GCC2: variants seen among roughly 807,000 people sequenced by gnomAD.
GCC2 encodes GRIP and coiled-coil domain containing 2.
GCC2 carries 120 observed loss-of-function variants against 210.6 expected under a neutral mutation model. That is an observed-to-expected ratio of 0.57 (90% CI 0.49 to 0.66). The LOEUF (loss-of-function observed/expected upper bound fraction) is 0.66, where lower values mean the gene tolerates loss of function less well. Ranked by LOEUF, GCC2 falls within the 30% of genes least tolerant of loss-of-function variation. The pLI, the probability that GCC2 is intolerant of heterozygous loss-of-function variation, is 0.00. For missense variants in GCC2, 1,868 were observed against 1,871.9 expected (o/e 1.00, Z 0.04); for synonymous variants, 703 against 652.7 (o/e 1.08, Z -1.17).
In GCC2 at chr2:108,475,738, T is replaced by C; in HGVS notation, c.2962-14T>C. On this transcript the variant is annotated splice_polypyrimidine_tract_variant and intron_variant, in intron 8 of 22. Transcript: ENST00000309863. Reference sequence around the variant, plus strand: ...AAACAAAAACCTCTTTAATTTTACTTGTGTTTAAAACAGACCCAGACTGTG... The same window carrying C: ...AAACAAAAACCTCTTTAATTTTACTCGTGTTTAAAACAGACCCAGACTGTG... 1 of 1,560,594 alleles carries C rather than the reference T, an allele frequency of 6.4e-7. No individual in the cohort carries two copies. The highest frequency in any genetic ancestry group is 8.7e-7 in the Non-Finnish European group (1 of 1,145,892).
intron 7 of GCC2, among the ~76,000 whole-genome samples, chr2:108,474,145 G>A (rs1681385899): frequency 6.6e-6 from 1 of 152,074 alleles, no homozygotes. Flanking sequence ...GCGACAGAGG[G>A]AGACTCCGTC....
Position 108,471,743 on chromosome 2 carries a change from A to T in GCC2, c.2414A>T (p.Asp805Val). 1.9e-6 allele frequency: 3 copies of T among 1,613,184 alleles called. No homozygotes were observed. Among genetic ancestry groups the T allele is most frequent in the Non-Finnish European group, 2.5e-6 (3 of 1,179,570 alleles). Residue 805 changes from aspartate (D) to valine (V), a missense_variant, in exon 6 of 23, where the codon GAT becomes GTT. This residue lies in a region of GCC2 where 1,847 missense variants were observed against 1,765.2 expected (regional missense o/e 1.05). Coordinates refer to ENST00000309863, the MANE Select transcript of GCC2 (RefSeq NM_181453.4). ...AAATGCAACCTGGCTTTTCAGCGTG[A>T]TGAAAAAGTATTAGAGTTAGAAAAA... ...EEKCNLAFQR[D>V]EKVLELEKEI... is the part of the protein sequence containing the mutation.
chr2:108,492,891 G>A (rs1187625408), intron 19 of GCC2, 101 bp downstream of exon 19: 2 of 820,408 alleles, frequency 2.4e-6, no homozygotes, highest in African/African-American at 1.7e-5. Context: ...TTTACTAGGT[G>A]TCACCAGTGT....
intron 20 of GCC2, 78 bp downstream of exon 20, chr2:108,495,563 A>C (rs1321248761): frequency 9.9e-7 from 1 of 1,013,564 alleles, no homozygotes; most frequent in East Asian, 2.5e-5. Flanking sequence ...TAAGTTACAT[A>C]TGCTTTTTTG....
chr2:108,507,415 C>G (rs1159363260), intron 22 of GCC2, 145 bp from the exon 23 acceptor site: 16 of 365,898 alleles, frequency 4.4e-5, no homozygotes, highest in Non-Finnish European at 7.5e-5. Flanking sequence ...ACCCCCCCCC[C>G]CAAAAAAAAG....
intron 7 of GCC2, chr2:108,474,735 T>C (rs1035136513): frequency 6.6e-6 from 1 of 152,236 alleles, no homozygotes; most frequent in African/African-American, 2.4e-5. Flanking sequence ...CACTATTTGT[T>C]CCTGGCCTTA....
At chr2:108,461,714 G>A (rs1680582428) in intron 4 of GCC2, among the ~76,000 whole-genome samples, 1 of 151,804 alleles carries the variant, frequency 6.6e-6, no homozygotes, top group Non-Finnish European at 1.5e-5. Flanking sequence ...ATGTTGGCCA[G>A]GCTGGTCTTG....
At chr2:108,454,455 G>A (rs1680137998) in intron 4 of GCC2, among the ~76,000 whole-genome samples, 2 of 152,220 alleles carry the variant, frequency 1.3e-5, no homozygotes, top group African/African-American at 4.8e-5. Context: ...CTAGAATGAT[G>A]TGCACAAATG....
chr2:108,500,747 C>A (rs186640397), intron 22 of GCC2, among the ~76,000 whole-genome samples: 76 of 152,290 alleles, frequency 5.0e-4, no homozygotes, highest in Non-Finnish European at 7.8e-4. Context: ...ATCTCTCTTG[C>A]GTTGTCACCC....
chr2:108,492,644 C>T lies in GCC2; in HGVS notation c.4301C>T (p.Ser1434Phe). The T allele has an allele frequency of 6.2e-7, 1 of 1,613,662 alleles. No homozygotes were observed. Among genetic ancestry groups the T allele is most frequent in the South Asian group, 1.1e-5 (1 of 91,078 alleles). ...EHTQTVSQLT[S>F]QNEVLRNSFR... ...ACACAGACTGTGAGTCAGCTAACATCCCAGAACGAGGTCCTTCGAAATAGC... is the reference window on the plus strand; with the variant it reads ...ACACAGACTGTGAGTCAGCTAACATTCCAGAACGAGGTCCTTCGAAATAGC... Residue 1434 changes from serine (S) to phenylalanine (F), a missense_variant, in exon 19 of 23, where the codon TCC becomes TTC. This residue lies in a region of GCC2 where 1,847 missense variants were observed against 1,765.2 expected (regional missense o/e 1.05). Coordinates refer to ENST00000309863, the MANE Select transcript of GCC2 (RefSeq NM_181453.4).
chr2:108,477,479 G>C (rs1024521432), intron 9 of GCC2, among the ~76,000 whole-genome samples: 1 of 152,164 alleles, frequency 6.6e-6, no homozygotes, highest in African/African-American at 2.4e-5. Flanking sequence ...CACAGAACAA[G>C]TAACAGAGCA....
intron 4 of GCC2, among the ~76,000 whole-genome samples, chr2:108,461,174 A>G (rs559301645): frequency 2.0e-5 from 3 of 152,072 alleles, no homozygotes; most frequent in Admixed American, 6.6e-5. Context: ...TCCAATGAAT[A>G]TATTATTCTC....
At chr2:108,463,890 C>A (rs1221060400) in intron 4 of GCC2, among the ~76,000 whole-genome samples, 1 of 152,156 alleles carries the variant, frequency 6.6e-6, no homozygotes, top group Non-Finnish European at 1.5e-5. Context: ...CAATGAGTGC[C>A]AGCTGTGGTG....
At chr2:108,495,194 T>G in intron 19 of GCC2, 97 bp from the exon 20 acceptor site, 11 of 650,468 alleles carry the variant, frequency 1.7e-5, no homozygotes, top group Non-Finnish European at 2.9e-5. Flanking sequence ...CCTCTACTCT[T>G]ATCATTTGAT....
At chr2:108,480,117 T>C (rs1681772882) in intron 9 of GCC2, among the ~76,000 whole-genome samples, 2 of 152,116 alleles carry the variant, frequency 1.3e-5, no homozygotes, top group South Asian at 4.1e-4. Context: ...TAATGTCGTT[T>C]CTCTTTTATG....
intron 21 of GCC2, among the ~76,000 whole-genome samples, chr2:108,497,551 G>T (rs1265590028): frequency 6.6e-6 from 1 of 152,050 alleles, no homozygotes; most frequent in African/African-American, 2.4e-5. Flanking sequence ...AACTTAAATG[G>T]GTGTGAGTCG....
At chr2:108,487,508 A>G (rs1682202383) in intron 16 of GCC2, among the ~76,000 whole-genome samples, 191 bp from the exon 17 acceptor site, 1 of 152,224 alleles carries the variant, frequency 6.6e-6, no homozygotes, top group Non-Finnish European at 1.5e-5. Context: ...TATCAATTAA[A>G]AAGAAAATTT....
Position 108,459,745 on chromosome 2 carries a change from C to CTTTTTTTTTTTTTTTTTTTTTTTTTT in GCC2, c.216+7287_216+7312dup, listed in dbSNP as rs34052393. On this transcript the variant is annotated intron_variant, in intron 4 of 22. Transcript: ENST00000309863. ...GCCATTAGATAATGACCTTCTTTGT[C>CTTTTTTTTTTTTTTTTTTTTTTTTTT]TTTTTTTTTTTTTTTTTTTTTTTTT... is the stretch of plus-strand genomic sequence containing the variant. 2.6e-4 allele frequency among the ~76,000 whole-genome samples: 7 copies of CTTTTTTTTTTTTTTTTTTTTTTTTTT among 26,782 alleles called. 2 individuals carry two copies. The highest frequency in any genetic ancestry group is 1.5e-3 in the Admixed American group (2 of 1,338). 17.6% of individuals were successfully genotyped at this position (26,782 alleles called of 152,430 possible). A position where few individuals can be genotyped will look rare whatever the true frequency, so the allele number is the denominator to read the frequency against.
chr2:108,449,387 C>T (rs944620519), intron 1 of GCC2, 107 bp downstream of exon 1: 8 of 1,473,374 alleles, frequency 5.4e-6, no homozygotes, highest in South Asian at 1.3e-5. Context: ...CTTGGTGTCC[C>T]GAAGCCCGCG....
Sources: allele counts gnomAD v4.1 joint callset (sites outside exome capture counted in the v4.1 genomes callset), GRCh38; gene constraint gnomAD v4.1.1; regional missense constraint gnomAD v4.1.1; transcripts MANE v1.5; gene names NCBI Gene and HGNC (gene_info 2026-07-23, HGNC 2026-07-21).